The following MBOAT7 variants were observed in gnomAD, a reference collection of about 807,000 sequenced individuals.
MBOAT7 encodes membrane bound acylglycerophosphatidylinositol O-acyltransferase MBOAT7.
A neutral mutation model predicts 47.4 loss-of-function variants in MBOAT7; 40 were observed. The ratio of observed to expected loss-of-function variants is 0.84; its 90% CI spans 0.66 to 1.10. The LOEUF (loss-of-function observed/expected upper bound fraction) is 1.10. Ranked by LOEUF, MBOAT7 falls within the 50% of genes least tolerant of loss-of-function variation. The pLI, the probability that MBOAT7 is intolerant of heterozygous loss-of-function variation, is 0.00. For synonymous variants in MBOAT7, 361 were observed against 292.0 expected, an observed-to-expected ratio of 1.24 and a Z score of -2.41; for missense variants, 680 against 655.6, an observed-to-expected ratio of 1.04 and a Z score of -0.41.
At chr19:54,176,646 G>A (rs2076115569) in intron 7 of MBOAT7, among the ~76,000 whole-genome samples, 1 of 152,180 alleles carries the variant, frequency 6.6e-6, no homozygotes, top group Non-Finnish European at 1.5e-5. Flanking sequence ...TGTCTCCAGG[G>A]ATTGCCATGT....
At chr19:54,188,065 G>A (rs199659236) in intron 3 of MBOAT7, 152 bp downstream of exon 3, 3 of 215,808 alleles carry the variant, frequency 1.4e-5, no homozygotes, top group Non-Finnish European at 2.3e-5. Context: ...AAGAAAGAAA[G>A]AAAGACAAAC....
At chr19:54,186,876 T>C (rs2076441323) in intron 4 of MBOAT7, 2 of 450,622 alleles carry the variant, frequency 4.4e-6, no homozygotes, top group Non-Finnish European at 7.9e-6. Flanking sequence ...GACAGCATGT[T>C]GGTAAACCAC....
chr19:54,188,478 C>T lies in MBOAT7; in HGVS notation c.31G>A (p.Val11Ile). 3 of 1,554,738 alleles carry T rather than the reference C, an allele frequency of 1.9e-6. No homozygotes were observed. The highest frequency in any genetic ancestry group is 2.6e-6 in the Non-Finnish European group (3 of 1,148,324). The change falls in exon 2 of 8, where the codon GTT (valine) becomes ATT (isoleucine). Residue 11 changes from valine to isoleucine, a missense_variant. By Grantham distance (29) the Val-to-Ile change is conservative. Coordinates refer to ENST00000245615, the MANE Select transcript of MBOAT7 (RefSeq NM_024298.5). Reference protein sequence around the residue: MSPEEWTYLVVLLISIPIGFL... With the variant: MSPEEWTYLVILLISIPIGFL... ...CCGATGGGGATGGAGATAAGAAGAA[C>T]CACTAGATACGTCCATTCTTCAGGC...
rs376378590 is a variant in MBOAT7 at position 54,178,809 on chromosome 19, C to T, written c.987G>A (p.Ala329=). ...YWNMTVQWWL[A]QYIYKSAPAR... ...CAGGTGCGCTCTTGTAGATATACTGCGCCAGCCACCACTGCACCGTCATGT... is the reference window on the plus strand; with the variant it reads ...CAGGTGCGCTCTTGTAGATATACTGTGCCAGCCACCACTGCACCGTCATGT... Residue 329 remains alanine (A), a synonymous_variant, in exon 7 of 8, where the codon GCG becomes GCA. Transcript: ENST00000245615. 1.9e-5 allele frequency: 30 copies of T among 1,613,252 alleles called. No individual in the cohort carries two copies. Among genetic ancestry groups the T allele is most frequent in the East Asian group, 4.5e-5 (2 of 44,894 alleles).
At chr19:54,175,963 T>G (rs1028592970) in intron 7 of MBOAT7, among the ~76,000 whole-genome samples, 7 of 152,202 alleles carry the variant, frequency 4.6e-5, no homozygotes, top group Admixed American at 4.6e-4. Context: ...GACCTTGTGA[T>G]CCACCCGCCG....
intron 4 of MBOAT7, among the ~76,000 whole-genome samples, chr19:54,186,408 C>T (rs1027364355): frequency 4.6e-5 from 7 of 152,328 alleles, no homozygotes; most frequent in East Asian, 1.9e-4. Context: ...CAATCCTCCA[C>T]GGGAAGAAGT....
At chr19:54,179,259 C>A in intron 6 of MBOAT7, 1 of 447,216 alleles carries the variant, frequency 2.2e-6, no homozygotes, top group Non-Finnish European at 4.0e-6. Flanking sequence ...AGCAACCAAG[C>A]TCAGTATATT....
intron 4 of MBOAT7, among the ~76,000 whole-genome samples, chr19:54,184,949 C>A (rs2076391556): frequency 6.7e-6 from 1 of 150,190 alleles, no homozygotes. Flanking sequence ...ACGGCTCACA[C>A]CTATAACACT....
chr19:54,183,633 C>T lies in MBOAT7; in HGVS notation c.381G>A (p.Arg127=). ...SEVQDLHLAQ[R]KEMASGFSKG... ...TGCTGAAGCCTGAGGCCATTTCCTT[C>T]CTCTGGGCCAGATGCAGGTCCTGGA... The change falls in exon 5 of 8, where the codon AGG becomes AGA. Residue 127 remains arginine, a synonymous_variant. Transcript: ENST00000245615. 2 of 1,602,238 alleles carry T rather than the reference C, an allele frequency of 1.2e-6. No homozygotes were observed. Among genetic ancestry groups the T allele is most frequent in the African/African-American group, 1.3e-5 (1 of 74,546 alleles).
In MBOAT7 at chr19:54,186,068, C is replaced by T. The variant is rs2076420753; in HGVS notation, c.333+1093G>A. 7.3e-5 allele frequency among the ~76,000 whole-genome samples: 11 copies of T among 151,644 alleles called. 1 individual carries two copies. The South Asian group carries it at 2.3e-3, about 32-fold the overall frequency. Reference sequence around the variant, plus strand: ...TGCTCTTGTTGCCCAGGCTGGAGTGCAATGGTACGATCTCAGCTCACCACA... The same window carrying T: ...TGCTCTTGTTGCCCAGGCTGGAGTGTAATGGTACGATCTCAGCTCACCACA... On this transcript the variant is annotated intron_variant, in intron 4 of 7. Transcript: ENST00000245615.
intron 7 of MBOAT7, among the ~76,000 whole-genome samples, chr19:54,176,962 C>G (rs1025754896): frequency 1.3e-5 from 2 of 151,916 alleles, no homozygotes; most frequent in Admixed American, 6.6e-5. Context: ...TGACTCACGC[C>G]TGTAATCCCA....
At chr19:54,176,475 T>A (rs1032861145) in intron 7 of MBOAT7, among the ~76,000 whole-genome samples, 16 of 152,102 alleles carry the variant, frequency 1.1e-4, no homozygotes, top group African/African-American at 3.4e-4. Flanking sequence ...GGAGGATTGC[T>A]TGAACCTGGG....
Position 54,177,925 on chromosome 19 carries a change from T to G in MBOAT7, c.1031+840A>C, listed in dbSNP as rs1422505334. Among the ~76,000 whole-genome samples the G allele has an allele frequency of 7.7e-3, 800 of 103,952 alleles. 14 individuals are homozygous for G. Among genetic ancestry groups the G allele is most frequent in the African/African-American group, 0.02 (633 of 30,928 alleles). 68.2% of individuals were successfully genotyped at this position (103,952 alleles called of 152,430 possible). A position where few individuals can be genotyped will look rare whatever the true frequency, so the allele number is the denominator to read the frequency against. On this transcript the variant is annotated intron_variant, in intron 7 of 7. Coordinates refer to ENST00000245615, the MANE Select transcript of MBOAT7 (RefSeq NM_024298.5). ...GTTTTTTTTTTTTTTTTTTTTTTTT[T>G]TTTTTGAGACGGAGTCTCGCTGTCG...
intron 6 of MBOAT7, 21 bp from the exon 7 acceptor site, chr19:54,178,962 G>T (rs2076194133): frequency 1.9e-6 from 3 of 1,610,546 alleles, no homozygotes; most frequent in Non-Finnish European, 2.5e-6. Context: ...GAGGATGAGG[G>T]TGGGGGACAG....
chr19:54,175,614 G>A (rs1044877976), intron 7 of MBOAT7, among the ~76,000 whole-genome samples: 4 of 152,102 alleles, frequency 2.6e-5, no homozygotes, highest in South Asian at 2.1e-4. Context: ...GTTGCCACAC[G>A]ACAAGGCTCA....
rs2075971300 is a variant in MBOAT7 at position 54,173,509 on chromosome 19, G to C, written c.*535C>G. 5.3e-6 allele frequency: 1 copy of C among 187,564 alleles called. No homozygotes were observed. The highest frequency in any genetic ancestry group is 2.3e-5 in the African/African-American group (1 of 42,616). 11.6% of individuals were successfully genotyped at this position (187,564 alleles called of 1,614,324 possible). A position where few individuals can be genotyped will look rare whatever the true frequency, so the allele number is the denominator to read the frequency against. On this transcript the variant is annotated 3_prime_UTR_variant, in exon 8 of 8. Transcript: ENST00000245615. ...GGCGCCAGGAGTGCTGGGGTCCCGA[G>C]GTGGCTCAGATGGAAGCCATGGGAC...
At position 54,178,864 on chromosome 19, in the gene MBOAT7, A is replaced by C; in HGVS notation, c.932T>G (p.Val311Gly). 6.2e-7 allele frequency: 1 copy of C among 1,613,612 alleles called. No homozygotes were observed. The highest frequency in any genetic ancestry group is 8.5e-7 in the Non-Finnish European group (1 of 1,180,020). Residue 311 changes from valine to glycine, a missense_variant, in exon 7 of 8, where the codon GTG (valine) becomes GGG (glycine). Physicochemically the swap from Val to Gly is moderately radical, Grantham distance 109. Coordinates refer to ENST00000245615, the MANE Select transcript of MBOAT7 (RefSeq NM_024298.5). ...NIDCYSTDFC[V>G]RVRDGMRYWN... is the part of the protein sequence containing the mutation. ...GTACCGCATGCCATCGCGCACCCGC[A>C]CGCAGAAATCTGTGCTGTAGCAGTC...
chr19:54,175,056 A>G (rs924093032), intron 7 of MBOAT7, among the ~76,000 whole-genome samples: 7 of 150,722 alleles, frequency 4.6e-5, no homozygotes, highest in African/African-American at 7.3e-5. Context: ...GCTCACTGCA[A>G]GCTCCGCCTC....
chr19:54,179,309 A>T (rs753625481), intron 6 of MBOAT7: 5 of 293,334 alleles, frequency 1.7e-5, no homozygotes, highest in Non-Finnish European at 3.2e-5. Context: ...AAATTGTCGG[A>T]CACTGCAGTT....
Sources: gnomAD v4.1 joint callset for allele counts (sites outside exome capture counted in the v4.1 genomes callset) on GRCh38, gnomAD v4.1.1 for gene constraint, MANE v1.5 for transcripts, NCBI Gene and HGNC (gene_info 2026-07-23, HGNC 2026-07-21) for gene names.